BIRC6: variants seen among roughly 807,000 people sequenced by gnomAD.
BIRC6 encodes the protein dual E2 ubiquitin-conjugating enzyme/E3 ubiquitin-protein ligase BIRC6.
Under a neutral mutation model 503.3 loss-of-function variants are expected in BIRC6, and 98 were observed. The ratio of observed to expected loss-of-function variants is 0.19; its 90% CI spans 0.17 to 0.23. The LOEUF (loss-of-function observed/expected upper bound fraction) is 0.23, where lower values mean the gene tolerates loss of function less well. BIRC6 is among the 10% of genes least tolerant of loss of function. BIRC6 has a pLI of 1.00. For synonymous variants in BIRC6, 2,240 were observed against 2,078.7 expected, an observed-to-expected ratio of 1.08 and a Z score of -2.11; for missense variants, 5,360 against 5,806.0, an observed-to-expected ratio of 0.92 and a Z score of 2.50.
At chr2:32,366,400 C>T (rs1001501640) in intron 1 of BIRC6, among the ~76,000 whole-genome samples, 2 of 151,972 alleles carry the variant, frequency 1.3e-5, no homozygotes, top group Non-Finnish European at 2.9e-5. Flanking sequence ...CTTCTTTATT[C>T]CTTTACTGTC....
intron 70 of BIRC6, among the ~76,000 whole-genome samples, chr2:32,600,306 G>T (rs1186249779): frequency 6.6e-6 from 1 of 152,106 alleles, no homozygotes; most frequent in Non-Finnish European, 1.5e-5. Context: ...TTTAAAATTA[G>T]ATTTAAAAGA....
chr2:32,467,613 G>A lies in BIRC6; in HGVS notation c.5445G>A (p.Leu1815=), dbSNP rs1223492226. 6.2e-7 allele frequency: 1 copy of A among 1,613,796 alleles called. No individual in the cohort carries two copies. The highest frequency in any genetic ancestry group is 2.2e-5 in the East Asian group (1 of 44,878). ...LIPTCGDLAS[L]SIDIWTLGEE... ...CCACTTGTGGAGACTTGGCCTCTTT[G>A]TCAATTGACATTTGGACATTAGGAG... Residue 1815 remains leucine, a synonymous_variant, in exon 27 of 74, where the codon TTG becomes TTA. Transcript: ENST00000421745.
Position 32,581,322 on chromosome 2 carries a change from G to T in BIRC6, c.13355+5956G>T, listed in dbSNP as rs76267429. Among the ~76,000 whole-genome samples the T allele has an allele frequency of 6.8e-3, 1,029 of 152,244 alleles. 11 individuals are homozygous for T. Among genetic ancestry groups the T allele is most frequent in the Admixed American group, 0.014 (213 of 15,300 alleles). On this transcript the variant is annotated intron_variant, in intron 66 of 73. Coordinates refer to ENST00000421745, the MANE Select transcript of BIRC6 (RefSeq NM_016252.4). ...TAAAAGAGAACTCATATGATGGTGA[G>T]ATATTATTAATTTTATTAAATAAGT... is the stretch of plus-strand genomic sequence containing the variant.
chr2:32,568,456 C>T (rs2059685007), intron 65 of BIRC6, among the ~76,000 whole-genome samples: 1 of 137,018 alleles, frequency 7.3e-6, no homozygotes, highest in South Asian at 2.3e-4. Flanking sequence ...TACACCATTG[C>T]ACTCCAGCCT....
intron 53 of BIRC6, among the ~76,000 whole-genome samples, chr2:32,511,201 C>CTTTTTTTTTTTTTTTTTTTTTTTT: frequency 2.1e-5 from 1 of 48,584 alleles, no homozygotes; most frequent in Non-Finnish European, 3.6e-5. Flanking sequence ...CTTTTCTTTT[C>CTTTTTTTTTTTTTTTTTTTTTTTT]TTTTTTTTTT....
At chr2:32,505,872 G>A (rs890225507) in intron 50 of BIRC6, among the ~76,000 whole-genome samples, 6 of 150,566 alleles carry the variant, frequency 4.0e-5, no homozygotes, top group Non-Finnish European at 7.4e-5. Context: ...TTTTTTTTGA[G>A]GCAGGGTCTC....
chr2:32,488,811 A>G (rs1174445725), intron 42 of BIRC6, 97 bp downstream of exon 42: 7 of 886,556 alleles, frequency 7.9e-6, no homozygotes, highest in Non-Finnish European at 1.1e-5. Flanking sequence ...ATTAGGGGTT[A>G]TAACATTCTA....
intron 1 of BIRC6, among the ~76,000 whole-genome samples, chr2:32,360,972 G>A (rs1355949945): frequency 6.6e-6 from 1 of 152,162 alleles, no homozygotes; most frequent in Non-Finnish European, 1.5e-5. Context: ...CCAGGCTGGA[G>A]TGCAGTGATG....
intron 59 of BIRC6, chr2:32,529,047 A>G (rs1159284302): frequency 6.6e-6 from 1 of 152,222 alleles, no homozygotes; most frequent in Non-Finnish European, 1.5e-5. Flanking sequence ...TTCATGCTGT[A>G]TTAAAATGAA....
At chr2:32,574,438 T>C (rs2060128279) in intron 65 of BIRC6, 1 of 152,304 alleles carries the variant, frequency 6.6e-6, no homozygotes. Context: ...CTCCTGACTC[T>C]TCCAGAACTT....
chr2:32,576,555 CGTATTTACT>C (rs1559088776), intron 66 of BIRC6, among the ~76,000 whole-genome samples: 1 of 152,068 alleles, frequency 6.6e-6, no homozygotes, highest in Non-Finnish European at 1.5e-5. Context: ...TGTCATTTAC[CGTATTTACT>C]GTATTTACTT....
intron 66 of BIRC6, among the ~76,000 whole-genome samples, chr2:32,592,112 C>T (rs1351120172): frequency 6.6e-6 from 1 of 152,200 alleles, no homozygotes; most frequent in Non-Finnish European, 1.5e-5. Flanking sequence ...TTCAGACGTA[C>T]ACTATACTCT....
intron 61 of BIRC6, among the ~76,000 whole-genome samples, chr2:32,539,181 G>A (rs1026966163): frequency 2.6e-5 from 4 of 152,180 alleles, no homozygotes; most frequent in South Asian, 2.1e-4. Context: ...CTAAATTTGT[G>A]TGTATTTAAT....
At position 32,597,747 on chromosome 2, in the gene BIRC6, T is replaced by C; in HGVS notation, c.13613-4T>C. 1.2e-6 allele frequency: 2 copies of C among 1,604,544 alleles called. No homozygotes were observed. Among genetic ancestry groups the C allele is most frequent in the Non-Finnish European group, 1.7e-6 (2 of 1,171,534 alleles). On this transcript the variant is annotated splice_polypyrimidine_tract_variant and splice_region_variant and intron_variant, in intron 68 of 73. Transcript: ENST00000421745. ...CTGGGTTTTATTTTTTCTTCTCCTT[T>C]TAGATACGTTTGAAATGGTTTCTGA...
In BIRC6 at chr2:32,443,582, A is replaced by G; in HGVS notation, c.4330A>G (p.Thr1444Ala). ...DNMSFLPAAT[T>A]GGSVYWYFVL... ...TATGTCATTTTTACCTGCAGCAACA[A>G]CTGGTGGTATGTAAAATTAATTTAA... Residue 1444 changes from threonine to alanine, a missense_variant, in exon 20 of 74, where the codon ACT (threonine) becomes GCT (alanine). Thr to Ala is a moderately conservative substitution (Grantham distance 58). Around this residue, in one of 16 missense-constraint regions of BIRC6, gnomAD observed 2,299 missense variants for 2,267.2 expected, o/e 1.01. Coordinates refer to ENST00000421745, the MANE Select transcript of BIRC6 (RefSeq NM_016252.4). 5 of 1,594,726 alleles carry G rather than the reference A, an allele frequency of 3.1e-6. No individual in the cohort carries two copies. The highest frequency in any genetic ancestry group is 1.3e-5 in the African/African-American group (1 of 74,730).
At position 32,573,027 on chromosome 2, in the gene BIRC6, TCTC is replaced by T. The variant is rs1260178196; in HGVS notation, c.13145-2124_13145-2122del. ...CTACCTCTAGTTGGACTCCCACAAT[TCTC>T]CTCCCCTGCTTTAGTTTTCTATATA... is the stretch of plus-strand genomic sequence containing the variant. On this transcript the variant is annotated intron_variant, in intron 65 of 73. Coordinates refer to ENST00000421745, the MANE Select transcript of BIRC6 (RefSeq NM_016252.4). Among the ~76,000 whole-genome samples the T allele has an allele frequency of 2.6e-5, 4 of 152,158 alleles. No homozygotes were observed. The East Asian group carries it at 7.7e-4, about 29-fold the overall frequency.
chr2:32,383,356 G>A (rs532334407), intron 3 of BIRC6, among the ~76,000 whole-genome samples: 121 of 152,276 alleles, frequency 7.9e-4, no homozygotes, highest in African/African-American at 2.7e-3. Context: ...ATGGTCAAGA[G>A]GATATATTGG....
Position 32,430,826 on chromosome 2 carries a change from T to TTTCC in BIRC6, c.3023-39_3023-38insTTCC. On this transcript the variant is annotated intron_variant, in intron 11 of 73. Coordinates refer to ENST00000421745, the MANE Select transcript of BIRC6 (RefSeq NM_016252.4). ...TCTTCTTTTTTTTTTTTTTTTTTTT[T>TTTCC]CCACACCTATTTCAAATACTGCTCT... 5.3e-6 allele frequency: 5 copies of TTTCC among 939,276 alleles called. No homozygotes were observed. In the South Asian group the frequency reaches 7.4e-5, roughly 14 times the overall value. The allele number at this position is 939,276 out of a possible 1,614,324, so 58.2% of individuals were successfully genotyped here.
At chr2:32,535,068 A>T (rs1185148045) in intron 61 of BIRC6, among the ~76,000 whole-genome samples, 1 of 145,828 alleles carries the variant, frequency 6.9e-6, no homozygotes, top group Non-Finnish European at 1.5e-5. Context: ...GCTACTCAGG[A>T]GACTGAAGCG....
Sources: allele counts gnomAD v4.1 joint callset (sites outside exome capture counted in the v4.1 genomes callset), GRCh38; gene constraint gnomAD v4.1.1; regional missense constraint gnomAD v4.1.1; transcripts MANE v1.5; gene names NCBI Gene and HGNC (gene_info 2026-07-23, HGNC 2026-07-21).